Variants in RFPL2 observed in about 807,000 individuals in gnomAD.
The protein encoded by RFPL2 is ret finger protein like 2, also known as ret finger protein-like 2.
Under a neutral mutation model 17.8 loss-of-function variants are expected in RFPL2, and 13 were observed. The ratio of observed to expected loss-of-function variants is 0.73; its 90% confidence interval spans 0.47 to 1.16. RFPL2 has a LOEUF of 1.16. RFPL2 is among the 50% of genes most tolerant of loss of function. The probability of loss-of-function intolerance (pLI) is 0.00; values close to 1 mark genes in which losing one functional copy is unlikely to be tolerated. For synonymous variants in RFPL2, 189 were observed against 180.9 expected (o/e 1.04, Z -0.36); for missense variants, 431 against 479.3 (o/e 0.90, Z 0.94).
chr22:32,191,869 A>G (rs1011168584), intron 4 of RFPL2, among the ~76,000 whole-genome samples: 5 of 152,102 alleles, frequency 3.3e-5, no homozygotes, highest in Admixed American at 2.6e-4. Flanking sequence ...TGACAGAGGA[A>G]GGAGGCAATG....
At position 32,192,895 on chromosome 22, in the gene RFPL2, G is replaced by T. The variant is rs149343368; in HGVS notation, c.556+7C>A. The T allele has an allele frequency of 2.3e-4, 363 of 1,604,208 alleles. 1 individual carries two copies. The African/African-American group carries it at 3.7e-3, about 16-fold the overall frequency. On this transcript the variant is annotated splice_region_variant and intron_variant, in intron 4 of 4. Transcript: ENST00000652607. ...TGGGAAGGGGGCAGGGTATACAGATGCCTTACCTTGGAACTTCCGCATCCT... is the reference window on the plus strand; with the variant it reads ...TGGGAAGGGGGCAGGGTATACAGATTCCTTACCTTGGAACTTCCGCATCCT...
intron 2 of RFPL2, chr22:32,200,258 T>G (rs566914684): frequency 3.8e-6 from 1 of 262,430 alleles, no homozygotes; most frequent in South Asian, 4.2e-5. Context: ...GCCCCACCCA[T>G]GGGGGCCTGG....
rs376045210 is a variant in RFPL2, at chr22:32,190,910, G to T, written c.999C>A (p.Ser333Arg). 1.2e-5 allele frequency: 20 copies of T among 1,601,304 alleles called. No homozygotes were observed. The African/African-American group carries it at 2.4e-4, about 19-fold the overall frequency. The part of the protein sequence containing the change: ...ESGSHVYTFR[S>R]VSAEEPLRPF... Reference sequence around the variant, plus strand: ...GGCGCAATGGCTCCTCAGCAGATACGCTCCTGAATGTATAGACATGGGAAC... The same window carrying T: ...GGCGCAATGGCTCCTCAGCAGATACTCTCCTGAATGTATAGACATGGGAAC... The change falls in exon 5 of 5, where the codon AGC becomes AGA. Residue 333 changes from serine to arginine, a missense_variant. Ser to Arg is a moderately radical substitution (Grantham distance 110). Coordinates refer to ENST00000652607, the MANE Select transcript of RFPL2 (RefSeq NM_001394555.1).
In RFPL2 at chr22:32,201,813, C is replaced by T. The variant is rs1923946567; in HGVS notation, c.119+520G>A. Among the ~76,000 whole-genome samples the T allele has an allele frequency of 2.0e-5, 3 of 152,148 alleles. No homozygotes were observed. In the South Asian group the frequency reaches 6.2e-4, roughly 32 times the overall value. ...GGAGTTAGAAAACTGGGGGCATCAG[C>T]AGCAGCAGGCCTGTGTCACTGTGGG... On this transcript the variant is annotated intron_variant, in intron 2 of 4. Transcript: ENST00000652607.
At position 32,202,422 on chromosome 22, in the gene RFPL2, C is replaced by A. The variant is rs1223605529; in HGVS notation, c.30G>T (p.Glu10Asp). MEVAELGFP[E>D]TAVSQSRICL... Reference sequence around the variant, plus strand: ...AGATCCTGGATTGGGACACTGCAGTCTCTGGGAAGCCTAATTCAGCCACCT... The same window carrying A: ...AGATCCTGGATTGGGACACTGCAGTATCTGGGAAGCCTAATTCAGCCACCT... The change falls in exon 2 of 5, where the codon GAG becomes GAT. Residue 10 changes from glutamate (E) to aspartate (D), a missense_variant. Physicochemically the swap from Glu to Asp is conservative, Grantham distance 45. Coordinates refer to ENST00000652607, the MANE Select transcript of RFPL2 (RefSeq NM_001394555.1). 8 of 1,601,446 alleles carry A rather than the reference C, an allele frequency of 5.0e-6. No homozygotes were observed. The South Asian group carries it at 6.8e-5, about 14-fold the overall frequency.
In RFPL2 at chr22:32,203,895, T is replaced by C. The variant is rs58185981; in HGVS notation, c.-100+812A>G. 9.6e-3 allele frequency among the ~76,000 whole-genome samples: 1,347 copies of C among 139,976 alleles called. 6 individuals are homozygous for C. The highest frequency in any genetic ancestry group is 0.033 in the South Asian group (141 of 4,250). 91.8% of individuals were successfully genotyped at this position (139,976 alleles called of 152,430 possible). On this transcript the variant is annotated intron_variant, in intron 1 of 4. Transcript: ENST00000652607. Reference sequence around the variant, plus strand: ...CCGCCATGAGCAATGCAACACGCACTACTGCTCCTTACACGCCCCCCACTA... The same window carrying C: ...CCGCCATGAGCAATGCAACACGCACCACTGCTCCTTACACGCCCCCCACTA...
rs117710322 is a variant in RFPL2 at position 32,202,297 on chromosome 22, C to T, written c.119+36G>A. On this transcript the variant is annotated intron_variant, in intron 2 of 4. Coordinates refer to ENST00000652607, the MANE Select transcript of RFPL2 (RefSeq NM_001394555.1). ...CTCTTTCCCTTATAAAGACTCCACC[C>T]TGGAGCAATGCGGAAAACCCAGAAT... 89,603 of 1,559,636 alleles carry T rather than the reference C, an allele frequency of 0.057. 2,968 individuals carry two copies. The highest frequency in any genetic ancestry group is 0.093 in the Middle Eastern group (556 of 5,994).
At chr22:32,192,808 G>A in intron 4 of RFPL2, 94 bp downstream of exon 4, 1 of 1,484,818 alleles carries the variant, frequency 6.7e-7, no homozygotes, top group Non-Finnish European at 9.1e-7. Flanking sequence ...GTGCCAGACA[G>A]CAGCTAATCC....
chr22:32,197,208 T>C (rs1437169704), intron 2 of RFPL2, among the ~76,000 whole-genome samples: 4 of 152,160 alleles, frequency 2.6e-5, no homozygotes, highest in Non-Finnish European at 5.9e-5. Context: ...GCAGAAATCT[T>C]AGTGAATGTA....
intron 2 of RFPL2, among the ~76,000 whole-genome samples, chr22:32,198,511 G>A (rs1923590851): frequency 6.6e-6 from 1 of 151,976 alleles, no homozygotes; most frequent in African/African-American, 2.4e-5. Flanking sequence ...GGGTCCTAGG[G>A]AGTAGATTTT....
At chr22:32,200,878 T>C (rs991350593) in intron 2 of RFPL2, among the ~76,000 whole-genome samples, 11 of 152,030 alleles carry the variant, frequency 7.2e-5, no homozygotes, top group Non-Finnish European at 1.6e-4. Context: ...CCCGCCTCGA[T>C]TCTTCACCTT....
chr22:32,192,906 G>A lies in RFPL2; in HGVS notation c.552C>T (p.Phe184=). ...CAGGGTATACAGATGCCTTACCTTG[G>A]AACTTCCGCATCCTTGGGTTCATCT... The part of the protein sequence containing the change: ...ILQMNPRMRK[F]QVDMTLDANT... The change falls in exon 4 of 5, where the codon TTC becomes TTT. Residue 184 remains phenylalanine (F), a synonymous_variant. Coordinates refer to ENST00000652607, the MANE Select transcript of RFPL2 (RefSeq NM_001394555.1). 6.2e-7 allele frequency: 1 copy of A among 1,609,648 alleles called. No homozygotes were observed. The highest frequency in any genetic ancestry group is 1.7e-4 in the Middle Eastern group (1 of 6,032).
intron 2 of RFPL2, among the ~76,000 whole-genome samples, chr22:32,196,891 A>G (rs1034030557): frequency 6.6e-6 from 1 of 152,204 alleles, no homozygotes; most frequent in African/African-American, 2.4e-5. Flanking sequence ...GGACAACTGT[A>G]ACACTACTTT....
chr22:32,203,061 C>G (rs1924111741), intron 1 of RFPL2: 2 of 985,784 alleles, frequency 2.0e-6, no homozygotes, highest in East Asian at 1.1e-4. Context: ...GACCGCTCCT[C>G]TCTTGCAGAC....
In RFPL2 at chr22:32,202,511, T is replaced by G; in HGVS notation, c.-60A>C. The G allele has an allele frequency of 1.9e-6, 3 of 1,551,102 alleles. No homozygotes were observed. Among genetic ancestry groups the G allele is most frequent in the Non-Finnish European group, 2.6e-6 (3 of 1,147,648 alleles). ...CCAGCCCGTGGCATGTAGCTCCTTCTCAGGGCACTGGGCATCCGGGCAGAC... is the reference window on the plus strand; with the variant it reads ...CCAGCCCGTGGCATGTAGCTCCTTCGCAGGGCACTGGGCATCCGGGCAGAC... On this transcript the variant is annotated 5_prime_UTR_variant, in exon 2 of 5. It removes the in-frame stop codon of an upstream open reading frame in the 5' UTR. Coordinates refer to ENST00000652607, the MANE Select transcript of RFPL2 (RefSeq NM_001394555.1).
chr22:32,200,065 C>T, intron 2 of RFPL2: 2 of 451,654 alleles, frequency 4.4e-6, no homozygotes, highest in Non-Finnish European at 9.0e-6. Context: ...ACCCCTGTCA[C>T]CCAGGGTATG....
Position 32,197,503 on chromosome 22 carries a change from G to A in RFPL2, c.120-3013C>T, listed in dbSNP as rs376476545. Among the ~76,000 whole-genome samples, 9 of 151,596 alleles carry A rather than the reference G, an allele frequency of 5.9e-5. No individual in the cohort carries two copies. The South Asian group carries it at 1.7e-3, about 28-fold the overall frequency. ...TACGTATACATGTGCCATATGCTGC[G>A]CCCGTTAACTCGTCGTTTACATTAG... On this transcript the variant is annotated intron_variant, in intron 2 of 4. Coordinates refer to ENST00000652607, the MANE Select transcript of RFPL2 (RefSeq NM_001394555.1).
chr22:32,197,132 C>T (rs1326223356), intron 2 of RFPL2, among the ~76,000 whole-genome samples: 1 of 152,184 alleles, frequency 6.6e-6, no homozygotes, highest in Non-Finnish European at 1.5e-5. Flanking sequence ...AGGACAGATA[C>T]TCAGGAAGAT....
At chr22:32,193,423 G>C in intron 3 of RFPL2, 1 of 1,490,810 alleles carries the variant, frequency 6.7e-7, no homozygotes, top group Non-Finnish European at 8.9e-7. Context: ...AGCTGAGGTG[G>C]AGGAAGCGTC....
Sources: allele counts gnomAD v4.1 joint callset (sites outside exome capture counted in the v4.1 genomes callset), GRCh38; gene constraint gnomAD v4.1.1; transcripts MANE v1.5; gene names NCBI Gene and HGNC (gene_info 2026-07-23, HGNC 2026-07-21).